The following CYP4X1 variants were observed in gnomAD, a reference collection of about 807,000 sequenced individuals.
CYP4X1 encodes cytochrome P450 family 4 subfamily X member 1.
Under a neutral mutation model 57.9 loss-of-function variants are expected in CYP4X1, and 44 were observed. The ratio of observed to expected loss-of-function variants is 0.76; its 90% CI spans 0.60 to 0.98. CYP4X1 has a LOEUF of 0.98. CYP4X1 is among the 50% of genes least tolerant of loss of function. The pLI, the probability that CYP4X1 is intolerant of heterozygous loss-of-function variation, is 0.00. For synonymous variants in CYP4X1, 227 were observed against 228.6 expected, an observed-to-expected ratio of 0.99 and a Z score of 0.06; for missense variants, 532 against 623.9, an observed-to-expected ratio of 0.85 and a Z score of 1.57.
chr1:47,053,632 T>C (rs1336075453), downstream of CYP4X1, among the ~76,000 whole-genome samples: 3 of 152,248 alleles, frequency 2.0e-5, no homozygotes, highest in Non-Finnish European at 4.4e-5. Context: ...AGATAGTATC[T>C]CATTGTGGTT....
chr1:46,974,704 T>A, the CYP4X1 span, among the ~76,000 whole-genome samples: 2 of 152,206 alleles, frequency 1.3e-5, no homozygotes, highest in African/African-American at 2.4e-5. Flanking sequence ...TTGTCTTTTT[T>A]AATCATTGTT....
chr1:47,001,017 A>G, the CYP4X1 span: 1 of 226,666 alleles, frequency 4.4e-6, no homozygotes, highest in Non-Finnish European at 1.0e-5. Flanking sequence ...AAAACAGCTT[A>G]AAGTTGAGTA....
the CYP4X1 span, among the ~76,000 whole-genome samples, chr1:47,009,700 T>C: frequency 6.6e-6 from 1 of 152,174 alleles, no homozygotes; most frequent in East Asian, 1.9e-4. Context: ...AAGAATCAAA[T>C]AGATGCAATA....
At chr1:47,042,292 T>C (rs1347873593) in intron 8 of CYP4X1, among the ~76,000 whole-genome samples, 1 of 151,958 alleles carries the variant, frequency 6.6e-6, no homozygotes, top group Non-Finnish European at 1.5e-5. Flanking sequence ...AGGGCTTTTT[T>C]TTTTTTTCGA....
At chr1:47,046,148 G>T (rs1478883072) in intron 8 of CYP4X1, among the ~76,000 whole-genome samples, 2 of 151,852 alleles carry the variant, frequency 1.3e-5, no homozygotes, top group Non-Finnish European at 2.9e-5. Flanking sequence ...TTAATCCTTC[G>T]CCATTTTTAT....
the CYP4X1 span, among the ~76,000 whole-genome samples, chr1:46,973,945 TA>T: frequency 2.0e-5 from 3 of 152,130 alleles, no homozygotes; most frequent in South Asian, 2.1e-4. Context: ...TTTTTGTTAT[TA>T]TTTTTTTCTG....
At chr1:46,986,040 AG>A in the CYP4X1 span, among the ~76,000 whole-genome samples, 2 of 152,332 alleles carry the variant, frequency 1.3e-5, no homozygotes, top group East Asian at 3.9e-4. Flanking sequence ...TGAGAGAAGC[AG>A]GCTTCAGGAG....
chr1:47,050,236 C>T lies in CYP4X1; in HGVS notation c.*62C>T. 6.4e-7 allele frequency: 1 copy of T among 1,574,702 alleles called. No homozygotes were observed. ...CGAAGTTAAATTTACAGCTAATGAT[C>T]CAAGCAGATAGAAAGGGATCAATGT... On this transcript the variant is annotated 3_prime_UTR_variant, in exon 12 of 12. Transcript: ENST00000371901.
At chr1:46,977,544 AAC>A in the CYP4X1 span, among the ~76,000 whole-genome samples, 1 of 152,224 alleles carries the variant, frequency 6.6e-6, no homozygotes, top group South Asian at 2.1e-4. Flanking sequence ...CAAGTTGGAA[AAC>A]ACTCTTCAGG....
At chr1:46,995,484 A>T in the CYP4X1 span, among the ~76,000 whole-genome samples, 2 of 152,062 alleles carry the variant, frequency 1.3e-5, no homozygotes, top group Non-Finnish European at 2.9e-5. Flanking sequence ...CAGATAGAGG[A>T]GCAAGGGATG....
the CYP4X1 span, among the ~76,000 whole-genome samples, chr1:47,008,646 A>G: frequency 2.0e-5 from 3 of 152,214 alleles, no homozygotes; most frequent in Admixed American, 2.0e-4. Flanking sequence ...ATAAAGAGTC[A>G]AGACCCATCA....
chr1:46,970,634 A>G, the CYP4X1 span, among the ~76,000 whole-genome samples: 1 of 152,254 alleles, frequency 6.6e-6, no homozygotes, highest in African/African-American at 2.4e-5. Context: ...CCAGACCTGC[A>G]ACAGTGGTAA....
upstream of CYP4X1, among the ~76,000 whole-genome samples, chr1:47,020,959 T>G (rs1304734278): frequency 1.3e-5 from 2 of 151,968 alleles, no homozygotes; most frequent in African/African-American, 2.4e-5. Flanking sequence ...CTCTTGTGTC[T>G]GAGATGGAAG....
At chr1:46,971,665 C>G in the CYP4X1 span, among the ~76,000 whole-genome samples, 1 of 152,176 alleles carries the variant, frequency 6.6e-6, no homozygotes, top group African/African-American at 2.4e-5. Flanking sequence ...TTGCATTTCT[C>G]TAATAGTTAG....
the CYP4X1 span, among the ~76,000 whole-genome samples, chr1:46,969,189 C>A: frequency 6.6e-6 from 1 of 152,118 alleles, no homozygotes; most frequent in East Asian, 1.9e-4. Flanking sequence ...TTCCCTGCAC[C>A]CGCTCTCTTG....
the CYP4X1 span, among the ~76,000 whole-genome samples, chr1:47,016,776 T>C: frequency 1.3e-5 from 2 of 152,378 alleles, no homozygotes; most frequent in Middle Eastern, 3.4e-3. Context: ...TTTTTTAAAG[T>C]ACAATTAAAT....
chr1:47,031,392 C>T (rs747891180), intron 2 of CYP4X1, 44 bp from the exon 3 acceptor site: 2 of 1,605,868 alleles, frequency 1.2e-6, no homozygotes, highest in Non-Finnish European at 1.7e-6. Context: ...ATAATGAATG[C>T]TCCCTCTAAT....
chr1:47,014,553 T>G, the CYP4X1 span, among the ~76,000 whole-genome samples: 57 of 152,246 alleles, frequency 3.7e-4, no homozygotes, highest in African/African-American at 1.3e-3. Context: ...TTATTTTGAT[T>G]TCTGTTTCTA....
At chr1:47,033,516 T>G (rs1644146537) in intron 4 of CYP4X1, 148 bp downstream of exon 4, 1 of 984,706 alleles carries the variant, frequency 1.0e-6, no homozygotes, top group African/African-American at 1.6e-5. Flanking sequence ...AATAGGTGTC[T>G]GTAAAAAATT....
Sources: gnomAD v4.1 joint callset for allele counts (sites outside exome capture counted in the v4.1 genomes callset) on GRCh38, gnomAD v4.1.1 for gene constraint, MANE v1.5 for transcripts, NCBI Gene and HGNC (gene_info 2026-07-23, HGNC 2026-07-21) for gene names.